The following HECW2 variants were observed in gnomAD, a reference collection of about 807,000 sequenced individuals.
The protein encoded by HECW2 is HECT, C2 and WW domain containing E3 ubiquitin protein ligase 2, also known as E3 ubiquitin-protein ligase HECW2.
Under a neutral mutation model 175.2 loss-of-function variants are expected in HECW2, and 61 were observed. The observed-to-expected ratio is 0.35, with a 90% CI of 0.28 to 0.43. HECW2 has a LOEUF of 0.43. HECW2 is among the 20% of genes least tolerant of loss of function. The probability of loss-of-function intolerance (pLI) is 1.00; values close to 1 mark genes in which losing one functional copy is unlikely to be tolerated. For synonymous variants in HECW2, 671 were observed against 731.0 expected, an observed-to-expected ratio of 0.92 and a Z score of 1.32; for missense variants, 1,524 against 2,000.5, an observed-to-expected ratio of 0.76 and a Z score of 4.54.
chr2:196,379,999 T>C (rs1361781126), intron 2 of HECW2, among the ~76,000 whole-genome samples: 1 of 152,162 alleles, frequency 6.6e-6, no homozygotes, highest in Non-Finnish European at 1.5e-5. Flanking sequence ...TCAATTATTT[T>C]TGAGAAACAG....
At chr2:196,437,074 G>A (rs1177806139) in intron 1 of HECW2, among the ~76,000 whole-genome samples, 2 of 152,044 alleles carry the variant, frequency 1.3e-5, no homozygotes, top group Non-Finnish European at 2.9e-5. Flanking sequence ...TTCAGATGAG[G>A]AAACTGAGAA....
At chr2:196,480,200 T>G (rs548589603) in intron 1 of HECW2, among the ~76,000 whole-genome samples, 1 of 152,334 alleles carries the variant, frequency 6.6e-6, no homozygotes, top group South Asian at 2.1e-4. Flanking sequence ...ATCACATCAG[T>G]TTGGGGGGTC....
chr2:196,392,331 T>C (rs1694537687), intron 2 of HECW2, among the ~76,000 whole-genome samples: 1 of 152,168 alleles, frequency 6.6e-6, no homozygotes, highest in Non-Finnish European at 1.5e-5. Context: ...GCTTCCACTA[T>C]TCAACTCGGA....
intron 1 of HECW2, among the ~76,000 whole-genome samples, chr2:196,492,222 G>A (rs1687224364): frequency 6.6e-6 from 1 of 152,152 alleles, no homozygotes; most frequent in African/African-American, 2.4e-5. Flanking sequence ...GAATGCTCCA[G>A]GGACAAAGGG....
chr2:196,396,730 T>A (rs1026505660), intron 2 of HECW2, among the ~76,000 whole-genome samples: 1 of 152,142 alleles, frequency 6.6e-6, no homozygotes, highest in African/African-American at 2.4e-5. Flanking sequence ...TAAAGTGGCC[T>A]GGGTGGGATG....
At chr2:196,426,319 C>T (rs191427348) in intron 2 of HECW2, among the ~76,000 whole-genome samples, 247 of 152,238 alleles carry the variant, frequency 1.6e-3, no homozygotes, top group Non-Finnish European at 2.6e-3. Context: ...CTAGTTATGC[C>T]TGTATTGTTT....
chr2:196,362,308 G>A (rs1693614075), intron 2 of HECW2: 2 of 202,460 alleles, frequency 9.9e-6, no homozygotes, highest in African/African-American at 5.0e-5. Flanking sequence ...TCCAAAGAAT[G>A]AGTTATGTGT....
chr2:196,562,834 AG>A (rs1376596549), intron 1 of HECW2, among the ~76,000 whole-genome samples: 2 of 152,248 alleles, frequency 1.3e-5, no homozygotes, highest in East Asian at 3.9e-4. Context: ...ACTTGAGCCC[AG>A]GAGTTCAAGA....
At chr2:196,402,346 G>C (rs1274707256) in intron 2 of HECW2, among the ~76,000 whole-genome samples, 2 of 152,024 alleles carry the variant, frequency 1.3e-5, no homozygotes, top group African/African-American at 2.4e-5. Flanking sequence ...TTTCATTTCT[G>C]GGGGGATGGC....
chr2:196,556,098 T>G (rs1689783287), intron 1 of HECW2, among the ~76,000 whole-genome samples: 1 of 152,236 alleles, frequency 6.6e-6, no homozygotes, highest in Admixed American at 6.5e-5. Flanking sequence ...TTAGCACAGT[T>G]TTAATTTTAT....
rs1199504850 is a variant in HECW2, at chr2:196,199,739, A to C, written c.*1538T>G. 1 of 152,196 alleles carries C rather than the reference A, an allele frequency of 6.6e-6. No individual in the cohort carries two copies. The highest frequency in any genetic ancestry group is 1.5e-5 in the Non-Finnish European group (1 of 68,010). The allele number at this position is 152,196 out of a possible 1,614,324, so 9.4% of individuals were successfully genotyped here. A position where few individuals can be genotyped will look rare whatever the true frequency, so the allele number is the denominator to read the frequency against. The stretch of plus-strand genomic sequence containing the variant: ...ATCTGATTAGTCAAGAAATAAACAA[A>C]GATGTGGAGTAATCCCAAAAGCAAT... On this transcript the variant is annotated 3_prime_UTR_variant, in exon 29 of 29. Coordinates refer to ENST00000644978, the MANE Select transcript of HECW2 (RefSeq NM_001348768.2).
At chr2:196,417,710 C>T (rs891244982) in intron 2 of HECW2, among the ~76,000 whole-genome samples, 1 of 152,232 alleles carries the variant, frequency 6.6e-6, no homozygotes, top group African/African-American at 2.4e-5. Context: ...GAGTCATGTG[C>T]ATAGCACAGT....
chr2:196,306,620 G>C lies in HECW2; in HGVS notation c.2690-8C>G, dbSNP rs754162151. On this transcript the variant is annotated splice_polypyrimidine_tract_variant and splice_region_variant and intron_variant, in intron 12 of 28. Transcript: ENST00000644978. Reference sequence around the variant, plus strand: ...TGTTCTCCCGTCGGAAATCTAGATGGGGCAGACCACAGAGGCGGTCAGGGA... The same window carrying C: ...TGTTCTCCCGTCGGAAATCTAGATGCGGCAGACCACAGAGGCGGTCAGGGA... 5.0e-6 allele frequency: 8 copies of C among 1,608,160 alleles called. No individual in the cohort carries two copies. The Admixed American group carries it at 8.4e-5, about 17-fold the overall frequency.
chr2:196,272,664 C>A (rs1379177136), intron 16 of HECW2, among the ~76,000 whole-genome samples: 1 of 151,940 alleles, frequency 6.6e-6, no homozygotes, highest in African/African-American at 2.4e-5. Flanking sequence ...TTTATATATA[C>A]AATAACAATT....
chr2:196,461,314 A>G (rs1329008619), intron 1 of HECW2, among the ~76,000 whole-genome samples: 1 of 152,202 alleles, frequency 6.6e-6, no homozygotes, highest in Non-Finnish European at 1.5e-5. Context: ...ATACTATACT[A>G]CTACACACCC....
chr2:196,556,327 T>C (rs995021500), intron 1 of HECW2, among the ~76,000 whole-genome samples: 4 of 152,192 alleles, frequency 2.6e-5, no homozygotes, highest in African/African-American at 7.2e-5. Context: ...TCTATTCTCG[T>C]AGCAAATTTC....
At position 196,450,856 on chromosome 2, in the gene HECW2, A is replaced by G. The variant is rs971341380; in HGVS notation, c.-35-17398T>C. Among the ~76,000 whole-genome samples the G allele has an allele frequency of 4.6e-5, 7 of 152,156 alleles. 1 individual carries two copies. The highest frequency in any genetic ancestry group is 7.3e-5 in the Non-Finnish European group (5 of 68,040). On this transcript the variant is annotated intron_variant, in intron 1 of 28. Coordinates refer to ENST00000644978, the MANE Select transcript of HECW2 (RefSeq NM_001348768.2). ...AATTTGAGAACTGCTGACATAAGAAATCACCAGGTATTATCTATATGTAGT... is the reference window on the plus strand; with the variant it reads ...AATTTGAGAACTGCTGACATAAGAAGTCACCAGGTATTATCTATATGTAGT...
intron 1 of HECW2, among the ~76,000 whole-genome samples, chr2:196,456,320 T>G (rs1696512267): frequency 6.6e-6 from 1 of 152,140 alleles, no homozygotes; most frequent in East Asian, 1.9e-4. Flanking sequence ...AAGAACATAT[T>G]TACTGAACAT....
intron 2 of HECW2, among the ~76,000 whole-genome samples, chr2:196,416,078 T>C (rs1017287635): frequency 6.6e-6 from 1 of 152,220 alleles, no homozygotes; most frequent in Non-Finnish European, 1.5e-5. Flanking sequence ...ACTAGAGATA[T>C]TAAAGAAATT....
Sources: allele counts gnomAD v4.1 joint callset (sites outside exome capture counted in the v4.1 genomes callset), GRCh38; gene constraint gnomAD v4.1.1; transcripts MANE v1.5; gene names NCBI Gene and HGNC (gene_info 2026-07-23, HGNC 2026-07-21).